Variants in CEP290 observed in about 807,000 individuals in gnomAD.
The protein encoded by CEP290 is centrosomal protein 290.
CEP290 carries 317 observed loss-of-function variants against 344.9 expected under a neutral mutation model. The observed-to-expected ratio is 0.92, with a 90% confidence interval of 0.84 to 1.01. The LOEUF is 1.01. Ranked by LOEUF, CEP290 falls within the 50% of genes least tolerant of loss-of-function variation. The pLI is 0.00. For synonymous variants in CEP290, 932 were observed against 895.8 expected (o/e 1.04, Z -0.72); for missense variants, 2,754 against 2,761.4 (o/e 1.00, Z 0.06).
chr12:88,130,490 G>T, intron 8 of CEP290, 55 bp downstream of exon 8: 1 of 1,592,442 alleles, frequency 6.3e-7, no homozygotes. Context: ...CCTCTAAATA[G>T]TGCTCTCACA....
chr12:88,103,921 C>T (rs896451031), intron 25 of CEP290: 2 of 152,158 alleles, frequency 1.3e-5, no homozygotes, highest in East Asian at 3.9e-4. Context: ...AGATGAGATT[C>T]TATTTCCCAT....
chr12:88,065,152 A>G (rs965707816), intron 44 of CEP290, among the ~76,000 whole-genome samples: 3 of 152,066 alleles, frequency 2.0e-5, no homozygotes, highest in Non-Finnish European at 4.4e-5. Context: ...ATCATAGGAA[A>G]TAATTTTTTT....
At position 88,054,297 on chromosome 12, in the gene CEP290, T is replaced by C. The variant is rs1401171803; in HGVS notation, c.7034+43A>G. Reference sequence around the variant, plus strand: ...GTATATAAAAACTAATAATTTTTTTTTTAAAGAAAAAAACAAAGTAGTCAT... The same window carrying C: ...GTATATAAAAACTAATAATTTTTTTCTTAAAGAAAAAAACAAAGTAGTCAT... On this transcript the variant is annotated intron_variant, in intron 51 of 53. Coordinates refer to ENST00000552810, the MANE Select transcript of CEP290 (RefSeq NM_025114.4). 8 of 1,328,692 alleles carry C rather than the reference T, an allele frequency of 6.0e-6. No individual in the cohort carries two copies. The Admixed American group carries it at 6.7e-5, about 11-fold the overall frequency. 82.3% of individuals were successfully genotyped at this position (1,328,692 alleles called of 1,614,324 possible).
Position 88,089,503 on chromosome 12 carries a change from A to C in CEP290, c.3574-16T>G. On this transcript the variant is annotated splice_polypyrimidine_tract_variant and intron_variant, in intron 30 of 53. Transcript: ENST00000552810. The stretch of plus-strand genomic sequence containing the variant: ...CAGACTGTGCCTGATATTAAAAAAA[A>C]TATATATTTGTAGTAAGTTTCAAAT... 9.8e-7 allele frequency: 1 copy of C among 1,017,868 alleles called. No homozygotes were observed. Among genetic ancestry groups the C allele is most frequent in the Non-Finnish European group, 1.4e-6 (1 of 727,582 alleles). The allele number at this position is 1,017,868 out of a possible 1,614,324, so 63.1% of individuals were successfully genotyped here.
rs2036852389 is a variant in CEP290 at position 88,089,479 on chromosome 12, A to G, written c.3582T>C (p.Ser1194=). The part of the protein sequence containing the change: ...RMQLLDYQAQ[S]DEKSLIAKLH... ...ACTTGGCAATGAGCGACTTTTCATC[A>G]GACTGTGCCTGATATTAAAAAAAAT... The change falls in exon 31 of 54, where the codon TCT becomes TCC. Residue 1194 remains serine (S), a synonymous_variant. Coordinates refer to ENST00000552810, the MANE Select transcript of CEP290 (RefSeq NM_025114.4). The G allele has an allele frequency of 4.0e-6, 6 of 1,490,662 alleles. No individual in the cohort carries two copies. The highest frequency in any genetic ancestry group is 5.3e-6 in the Non-Finnish European group (6 of 1,122,148). The allele number at this position is 1,490,662 out of a possible 1,614,324, so 92.3% of individuals were successfully genotyped here.
chr12:88,140,515 C>A (rs1405859959), intron 3 of CEP290, among the ~76,000 whole-genome samples: 2 of 152,128 alleles, frequency 1.3e-5, no homozygotes, highest in African/African-American at 4.8e-5. Flanking sequence ...ATTTCCTGTT[C>A]TCAGTATTTA....
chr12:88,084,340 T>A (rs1020347509), intron 35 of CEP290, among the ~76,000 whole-genome samples: 1 of 152,162 alleles, frequency 6.6e-6, no homozygotes, highest in Non-Finnish European at 1.5e-5. Flanking sequence ...TTAAAATATT[T>A]TTCAAAATCA....
chr12:88,127,555 T>G (rs1163814352), intron 11 of CEP290, among the ~76,000 whole-genome samples: 1 of 151,956 alleles, frequency 6.6e-6, no homozygotes, highest in Non-Finnish European at 1.5e-5. Context: ...AAGTTTATAC[T>G]CAGAAGCCTT....
At chr12:88,125,418 A>T in intron 12 of CEP290, 49 bp from the exon 13 acceptor site, 1 of 1,006,974 alleles carries the variant, frequency 9.9e-7, no homozygotes, top group Non-Finnish European at 1.3e-6. Context: ...ATATTAACCT[A>T]AAAAGGTAAG....
At chr12:88,125,416 C>T in intron 12 of CEP290, 47 bp from the exon 13 acceptor site, 1 of 1,015,522 alleles carries the variant, frequency 9.8e-7, no homozygotes, top group Non-Finnish European at 1.3e-6. Flanking sequence ...GAATATTAAC[C>T]TAAAAAGGTA....
chr12:88,105,940 T>A (rs1046484585), intron 25 of CEP290, among the ~76,000 whole-genome samples: 2 of 151,928 alleles, frequency 1.3e-5, no homozygotes, highest in African/African-American at 4.8e-5. Flanking sequence ...AAAAAAAACA[T>A]TTTTTGTAGA....
chr12:88,066,469 G>GTTT (rs1555199995), intron 44 of CEP290, among the ~76,000 whole-genome samples: 1 of 37,196 alleles, frequency 2.7e-5, no homozygotes, highest in African/African-American at 5.5e-5. Context: ...CCAGCTAATT[G>GTTT]TTTCTTTTTT....
rs781004914 is a variant in CEP290, at chr12:88,130,388, G to A, written c.549C>T (p.Tyr183=). ...CTTTCTGTGAATCTATTTGTTTCTG[G>A]TAGTCAATAATATCCTGACAAAGTT... is the stretch of plus-strand genomic sequence containing the variant. ...NEQLCQDIID[Y]QKQIDSQKET... The change falls in exon 9 of 54, where the codon TAC becomes TAT. Residue 183 remains tyrosine (Y), a synonymous_variant. Transcript: ENST00000552810. 3.7e-6 allele frequency: 6 copies of A among 1,608,618 alleles called. No individual in the cohort carries two copies. In the Admixed American group the frequency reaches 6.8e-5, roughly 18 times the overall value.
intron 49 of CEP290, among the ~76,000 whole-genome samples, chr12:88,057,349 T>A (rs1193747883): frequency 6.6e-6 from 1 of 152,054 alleles, no homozygotes; most frequent in Non-Finnish European, 1.5e-5. Context: ...AGTCTGGCAA[T>A]AGGAGGTACT....
At position 88,111,202 on chromosome 12, in the gene CEP290, C is replaced by A; in HGVS notation, c.2367G>T (p.Gln789His). ...SQNEYLIHLLQELENKEKKLK... is the reference protein window; with the variant it reads ...SQNEYLIHLLHELENKEKKLK... ...ATACCTGTAACAAAATTTTCAATAC[C>A]TGTAACAAATGTATTAAATATTCAT... The change falls in exon 22 of 54, where the codon CAG (glutamine) becomes CAT (histidine). Residue 789 changes from glutamine to histidine, a missense_variant and splice_region_variant. Transcript: ENST00000552810. 3 of 1,356,072 alleles carry A rather than the reference C, an allele frequency of 2.2e-6. No individual in the cohort carries two copies. Among genetic ancestry groups the A allele is most frequent in the Non-Finnish European group, 2.9e-6 (3 of 1,045,588 alleles). 84.0% of individuals were successfully genotyped at this position (1,356,072 alleles called of 1,614,324 possible).
intron 5 of CEP290, among the ~76,000 whole-genome samples, chr12:88,137,249 G>T (rs773206645): frequency 1.4e-4 from 22 of 152,188 alleles, no homozygotes; most frequent in Admixed American, 4.6e-4. Flanking sequence ...GTGCTGTCCA[G>T]TTCAATAGCC....
intron 36 of CEP290, 126 bp downstream of exon 36, chr12:88,083,721 T>C (rs1369050396): frequency 1.5e-6 from 1 of 667,606 alleles, no homozygotes; most frequent in Non-Finnish European, 2.6e-6. Flanking sequence ...ATCAGAGCTA[T>C]GTTTTCAGAA....
chr12:88,096,167 G>C (rs1281045880), intron 27 of CEP290, among the ~76,000 whole-genome samples: 1 of 151,982 alleles, frequency 6.6e-6, no homozygotes, highest in African/African-American at 2.4e-5. Context: ...TCCTGCCTCA[G>C]CCTCCTGAGT....
intron 27 of CEP290, among the ~76,000 whole-genome samples, chr12:88,096,468 T>C (rs866383087): frequency 6.6e-6 from 1 of 152,114 alleles, no homozygotes; most frequent in African/African-American, 2.4e-5. Context: ...GTAGTAAAAC[T>C]ATGAGAAATA....
Sources: gnomAD v4.1 joint callset for allele counts (sites outside exome capture counted in the v4.1 genomes callset) on GRCh38, gnomAD v4.1.1 for gene constraint, MANE v1.5 for transcripts, NCBI Gene and HGNC (gene_info 2026-07-23, HGNC 2026-07-21) for gene names.